Variants in FILIP1 observed in about 807,000 individuals in gnomAD.
FILIP1 encodes filamin A interacting protein 1.
FILIP1 carries 61 observed loss-of-function variants against 102.1 expected under a neutral mutation model. The observed-to-expected ratio is 0.60, with a 90% CI of 0.49 to 0.74. FILIP1 has a LOEUF of 0.74. FILIP1 is among the 30% of genes least tolerant of loss of function. The pLI, the probability that FILIP1 is intolerant of heterozygous loss-of-function variation, is 0.00. For missense variants in FILIP1, 1,314 were observed against 1,441.2 expected (o/e 0.91, Z 1.43); for synonymous variants, 491 against 526.9 (o/e 0.93, Z 0.93).
intron 1 of FILIP1, among the ~76,000 whole-genome samples, chr6:75,489,164 T>C (rs1342050242): frequency 6.6e-6 from 1 of 152,142 alleles, no homozygotes; most frequent in Non-Finnish European, 1.5e-5. Context: ...AAACACACTT[T>C]ATCTCCAAGT....
chr6:75,381,589 T>C (rs1399245074), intron 2 of FILIP1, among the ~76,000 whole-genome samples: 1 of 152,196 alleles, frequency 6.6e-6, no homozygotes, highest in Non-Finnish European at 1.5e-5. Context: ...TTTCTAACAG[T>C]AGAATTTCTG....
At chr6:75,482,455 C>A (rs1779672980) in intron 1 of FILIP1, among the ~76,000 whole-genome samples, 6 of 152,162 alleles carry the variant, frequency 3.9e-5, no homozygotes, top group Admixed American at 3.9e-4. Context: ...GCGTTTCCAG[C>A]TAATGAACTA....
intron 1 of FILIP1, among the ~76,000 whole-genome samples, chr6:75,484,748 G>T (rs1779737369): frequency 6.6e-6 from 1 of 152,140 alleles, no homozygotes; most frequent in Non-Finnish European, 1.5e-5. Context: ...GTAAGGTATA[G>T]CTGTCCCCAG....
In FILIP1 at chr6:75,312,562, A is replaced by C; in HGVS notation, c.3270T>G (p.Ile1090Met). The C allele has an allele frequency of 6.2e-7, 1 of 1,614,220 alleles. No homozygotes were observed. Among genetic ancestry groups the C allele is most frequent in the Middle Eastern group, 1.6e-4 (1 of 6,062 alleles). ...CTGTCACGTTTACTGGTCGGACAGTAATAACTGGACTGACTCCTTCACCTG... is the reference window on the plus strand; with the variant it reads ...CTGTCACGTTTACTGGTCGGACAGTCATAACTGGACTGACTCCTTCACCTG... ...GTSGEGVSPV[I>M]TVRPVNVTAE... The change falls in exon 5 of 6, where the codon ATT (isoleucine) becomes ATG (methionine). Residue 1090 changes from isoleucine (I) to methionine (M), a missense_variant. Around this residue, in one of 3 missense-constraint regions of FILIP1, gnomAD observed 816 missense variants for 913.1 expected, o/e 0.89. Coordinates refer to ENST00000237172, the MANE Select transcript of FILIP1 (RefSeq NM_015687.5).
chr6:75,348,608 A>G (rs1047014655), intron 4 of FILIP1, among the ~76,000 whole-genome samples: 1 of 152,236 alleles, frequency 6.6e-6, no homozygotes, highest in African/African-American at 2.4e-5. Flanking sequence ...CAATTCCTGG[A>G]AAGTGAAAAA....
At chr6:75,485,281 A>G (rs1426743275) in intron 1 of FILIP1, among the ~76,000 whole-genome samples, 2 of 152,150 alleles carry the variant, frequency 1.3e-5, no homozygotes, top group Non-Finnish European at 2.9e-5. Flanking sequence ...CAAACAGTAT[A>G]TTTGCTTCAG....
At chr6:75,412,930 A>G (rs1319902578) in intron 2 of FILIP1, among the ~76,000 whole-genome samples, 4 of 152,170 alleles carry the variant, frequency 2.6e-5, no homozygotes, top group African/African-American at 9.6e-5. Flanking sequence ...GCTCAAGAAT[A>G]TATCTATTGT....
chr6:75,420,762 T>C (rs1185843382), intron 1 of FILIP1, among the ~76,000 whole-genome samples: 1 of 152,200 alleles, frequency 6.6e-6, no homozygotes, highest in Non-Finnish European at 1.5e-5. Context: ...GGTAATTTTG[T>C]ACATTTGCTT....
In FILIP1 at chr6:75,479,035, A is replaced by G. The variant is rs555825080; in HGVS notation, c.-7+14379T>C. ...TACATAACTAAGGAAATAAGTTGCT[A>G]TCAAGATGTACTTGACACTTAAGGA... On this transcript the variant is annotated intron_variant, in intron 1 of 5. Transcript: ENST00000237172. 3.6e-4 allele frequency among the ~76,000 whole-genome samples: 55 copies of G among 152,306 alleles called. No individual in the cohort carries two copies. The South Asian group carries it at 6.6e-3, about 18-fold the overall frequency.
chr6:75,370,569 CTTTTTT>C (rs61384517), intron 2 of FILIP1, among the ~76,000 whole-genome samples: 78 of 75,718 alleles, frequency 1.0e-3, no homozygotes, highest in African/African-American at 4.5e-3. Context: ...GGAGTCTCTT[CTTTTTT>C]TTTTTTTTTT....
At chr6:75,404,644 A>G (rs966080231) in intron 2 of FILIP1, among the ~76,000 whole-genome samples, 1 of 152,116 alleles carries the variant, frequency 6.6e-6, no homozygotes, top group African/African-American at 2.4e-5. Flanking sequence ...CCTCAGGACC[A>G]CCACTCACTT....
At chr6:75,344,588 T>C (rs1309096887) in intron 4 of FILIP1, among the ~76,000 whole-genome samples, 1 of 152,220 alleles carries the variant, frequency 6.6e-6, no homozygotes, top group Non-Finnish European at 1.5e-5. Flanking sequence ...ACTCATGCCA[T>C]GTATGCTGAA....
At chr6:75,397,459 G>A (rs1253146136) in intron 2 of FILIP1, among the ~76,000 whole-genome samples, 2 of 149,614 alleles carry the variant, frequency 1.3e-5, no homozygotes, top group Non-Finnish European at 3.0e-5. Flanking sequence ...ATTGTTTTCA[G>A]GTTAAAAAAG....
chr6:75,408,393 T>TA (rs1334214935), intron 2 of FILIP1, among the ~76,000 whole-genome samples: 1 of 152,188 alleles, frequency 6.6e-6, no homozygotes, highest in East Asian at 1.9e-4. Context: ...CCATTTCTAA[T>TA]ACATATCCAT....
intron 1 of FILIP1, among the ~76,000 whole-genome samples, chr6:75,453,214 G>A (rs756276414): frequency 4.1e-4 from 62 of 152,030 alleles, no homozygotes; most frequent in Non-Finnish European, 6.8e-4. Context: ...CATCTTACCC[G>A]AAGGCCTATC....
chr6:75,304,724 A>G (rs563269515), downstream of FILIP1, among the ~76,000 whole-genome samples: 1 of 152,338 alleles, frequency 6.6e-6, no homozygotes, highest in East Asian at 1.9e-4. Context: ...GTCACACTAT[A>G]AGCACTTTAG....
chr6:75,438,593 A>G (rs745590710), intron 1 of FILIP1, among the ~76,000 whole-genome samples: 3 of 152,230 alleles, frequency 2.0e-5, no homozygotes, highest in East Asian at 1.9e-4. Flanking sequence ...GGGCTTTCAC[A>G]TAATGCACAA....
intron 1 of FILIP1, among the ~76,000 whole-genome samples, chr6:75,490,348 T>C (rs571854427): frequency 4.6e-5 from 7 of 152,236 alleles, no homozygotes; most frequent in African/African-American, 1.7e-4. Flanking sequence ...CAAATTGCTT[T>C]GAAAGTATGA....
intron 1 of FILIP1, among the ~76,000 whole-genome samples, chr6:75,480,263 A>ATTTTTATAGTATTAAAAATGTACAC (rs1779611572): frequency 6.8e-6 from 1 of 147,754 alleles, no homozygotes; most frequent in African/African-American, 2.5e-5. Flanking sequence ...TTATAATACT[A>ATTTTTATAGTATTAAAAATGTACAC]CATTTTTATA....
Sources: allele counts gnomAD v4.1 joint callset (sites outside exome capture counted in the v4.1 genomes callset), GRCh38; gene constraint gnomAD v4.1.1; regional missense constraint gnomAD v4.1.1; transcripts MANE v1.5; gene names NCBI Gene and HGNC (gene_info 2026-07-23, HGNC 2026-07-21).